Variants in VAC14 observed in about 807,000 individuals in gnomAD.
VAC14 encodes protein VAC14 homolog.
VAC14 carries 47 observed loss-of-function variants against 85.3 expected under a neutral mutation model. That is an observed-to-expected ratio of 0.55 (90% confidence interval 0.44 to 0.70). The LOEUF (loss-of-function observed/expected upper bound fraction) is 0.70, where lower values mean the gene tolerates loss of function less well. VAC14 is among the 30% of genes least tolerant of loss of function. The pLI is 0.00. For synonymous variants in VAC14, 447 were observed against 430.5 expected (o/e 1.04, Z -0.47); for missense variants, 861 against 1,004.3 (o/e 0.86, Z 1.93).
At chr16:70,787,764 C>T (rs2034136070) in intron 1 of VAC14, among the ~76,000 whole-genome samples, 2 of 152,068 alleles carry the variant, frequency 1.3e-5, no homozygotes, top group Admixed American at 1.3e-4. Flanking sequence ...GGTGAGGATG[C>T]GGAAGTAGCC....
chr16:70,783,076 A>T lies in VAC14; in HGVS notation c.768T>A (p.Phe256Leu), dbSNP rs2033888486. The part of the protein sequence containing the change: ...EIKKNPSSVK[F>L]AEMANILVIH... Reference sequence around the variant, plus strand: ...TCACCAGGATGTTGGCCATCTCAGCAAACTTCACACTGGAGGGGTTCTTCT... The same window carrying T: ...TCACCAGGATGTTGGCCATCTCAGCTAACTTCACACTGGAGGGGTTCTTCT... Residue 256 changes from phenylalanine to leucine, a missense_variant, in exon 7 of 19, where the codon TTT (phenylalanine) becomes TTA (leucine). Physicochemically the swap from Phe to Leu is conservative, Grantham distance 22. Coordinates refer to ENST00000261776, the MANE Select transcript of VAC14 (RefSeq NM_018052.5). The T allele has an allele frequency of 6.2e-7, 1 of 1,614,218 alleles. No individual in the cohort carries two copies. Among genetic ancestry groups the T allele is most frequent in the Non-Finnish European group, 8.5e-7 (1 of 1,180,038 alleles).
intron 14 of VAC14, among the ~76,000 whole-genome samples, chr16:70,717,809 GTT>G (rs2054199581): frequency 6.6e-6 from 1 of 152,168 alleles, no homozygotes; most frequent in Non-Finnish European, 1.5e-5. Context: ...ACCATGCTCA[GTT>G]AATTATATTT....
chr16:70,745,872 C>T (rs866554394), intron 12 of VAC14, among the ~76,000 whole-genome samples: 9 of 152,176 alleles, frequency 5.9e-5, no homozygotes, highest in Non-Finnish European at 1.2e-4. Context: ...GCCTGATGGG[C>T]AGGGCCATGT....
rs560837907 is a variant in VAC14 at position 70,717,209 on chromosome 16, G to A, written c.1661+14286C>T. 1.3e-3 allele frequency among the ~76,000 whole-genome samples: 195 copies of A among 152,362 alleles called. 1 individual carries two copies. The highest frequency in any genetic ancestry group is 2.1e-3 in the Non-Finnish European group (141 of 68,038). ...CAGCGCACTCTGGCCACACTGATGGGTCCCATGGGACATGAGCCCAGGACA... is the reference window on the plus strand; with the variant it reads ...CAGCGCACTCTGGCCACACTGATGGATCCCATGGGACATGAGCCCAGGACA... On this transcript the variant is annotated intron_variant, in intron 14 of 18. Coordinates refer to ENST00000261776, the MANE Select transcript of VAC14 (RefSeq NM_018052.5).
At chr16:70,763,897 G>A (rs944184641) in intron 10 of VAC14, among the ~76,000 whole-genome samples, 3 of 152,180 alleles carry the variant, frequency 2.0e-5, no homozygotes, top group African/African-American at 4.8e-5. Context: ...TTTCAAGGTG[G>A]GGGCAGCATG....
At chr16:70,779,298 A>G (rs1466504249) in intron 9 of VAC14, among the ~76,000 whole-genome samples, 1 of 152,274 alleles carries the variant, frequency 6.6e-6, no homozygotes, top group African/African-American at 2.4e-5. Flanking sequence ...AGAAAAGTCC[A>G]TGAATGGCAA....
intron 17 of VAC14, among the ~76,000 whole-genome samples, chr16:70,693,853 C>A (rs748472092): frequency 1.3e-5 from 2 of 152,218 alleles, no homozygotes; most frequent in Admixed American, 6.5e-5. Flanking sequence ...ACCCCTGGAG[C>A]GGCCACACAG....
chr16:70,766,156 G>GAAAAAAAAA (rs60494478), intron 10 of VAC14, among the ~76,000 whole-genome samples: 1 of 94,554 alleles, frequency 1.1e-5, no homozygotes, highest in Non-Finnish European at 2.6e-5. Flanking sequence ...TGTCCCAAAA[G>GAAAAAAAAA]AAAAAAAAAA....
chr16:70,695,693 T>G, intron 16 of VAC14, 70 bp from the exon 17 acceptor site: 1 of 1,452,836 alleles, frequency 6.9e-7, no homozygotes. Context: ...CCACACGCCC[T>G]CCCCCCCTGC....
intron 10 of VAC14, among the ~76,000 whole-genome samples, chr16:70,766,276 A>C (rs1408598358): frequency 6.6e-6 from 1 of 152,214 alleles, no homozygotes; most frequent in Admixed American, 6.5e-5. Context: ...GCCCCTCGGC[A>C]AGCTGAGCTC....
At chr16:70,756,206 C>T in intron 12 of VAC14, 1 of 393,104 alleles carries the variant, frequency 2.5e-6, no homozygotes. Flanking sequence ...CTCACCCCAG[C>T]TCTGCTCTGC....
At chr16:70,784,919 G>A (rs1302759212) in intron 3 of VAC14, 81 bp from the exon 4 acceptor site, 21 of 1,234,042 alleles carry the variant, frequency 1.7e-5, no homozygotes, top group South Asian at 2.4e-5. Flanking sequence ...CTGCAAATCC[G>A]CAGCCGAGGC....
chr16:70,758,048 T>C (rs2032011588), intron 12 of VAC14, among the ~76,000 whole-genome samples: 1 of 152,042 alleles, frequency 6.6e-6, no homozygotes, highest in Non-Finnish European at 1.5e-5. Context: ...TCATTCAGAA[T>C]CACATCAAAA....
At chr16:70,718,586 AAC>A (rs1334278863) in intron 14 of VAC14, among the ~76,000 whole-genome samples, 1 of 149,032 alleles carries the variant, frequency 6.7e-6, no homozygotes, top group African/African-American at 2.5e-5. Context: ...AAAAAAAAAA[AAC>A]AAAAAAACAA....
chr16:70,733,199 G>T (rs1332671981), intron 13 of VAC14, among the ~76,000 whole-genome samples: 1 of 152,084 alleles, frequency 6.6e-6, no homozygotes, highest in Non-Finnish European at 1.5e-5. Flanking sequence ...CTATGGATTT[G>T]CCTATTCTGG....
intron 14 of VAC14, among the ~76,000 whole-genome samples, chr16:70,707,853 T>C (rs988719302): frequency 6.6e-6 from 1 of 151,756 alleles, no homozygotes; most frequent in African/African-American, 2.4e-5. Context: ...TGCAGTGGTG[T>C]GATCTTGGCT....
At chr16:70,729,478 GC>G (rs549887835) in intron 14 of VAC14, among the ~76,000 whole-genome samples, 395 of 152,162 alleles carry the variant, frequency 2.6e-3, no homozygotes, top group Non-Finnish European at 3.3e-3. Context: ...CAGCTCCTGA[GC>G]TGGCCGGTCA....
At chr16:70,703,278 C>T (rs1277834937) in intron 14 of VAC14, among the ~76,000 whole-genome samples, 1 of 152,216 alleles carries the variant, frequency 6.6e-6, no homozygotes, top group East Asian at 1.9e-4. Flanking sequence ...AAACGCTATT[C>T]GTCATGAGAC....
At chr16:70,739,095 C>A (rs1255218671) in intron 13 of VAC14, among the ~76,000 whole-genome samples, 1 of 152,228 alleles carries the variant, frequency 6.6e-6, no homozygotes, top group East Asian at 1.9e-4. Context: ...ATGCAGGGAG[C>A]ATTTAGCCTA....
Sources: allele counts gnomAD v4.1 joint callset (sites outside exome capture counted in the v4.1 genomes callset), GRCh38; gene constraint gnomAD v4.1.1; transcripts MANE v1.5; gene names NCBI Gene and HGNC (gene_info 2026-07-23, HGNC 2026-07-21).